NXPE4: variants seen among roughly 807,000 people sequenced by gnomAD.
NXPE4 encodes neurexophilin and PC-esterase domain family member 4, also known as NXPE family member 4.
Under a neutral mutation model 33.3 loss-of-function variants are expected in NXPE4, and 42 were observed. The observed-to-expected ratio is 1.26, with a 90% CI of 0.98 to 1.63. NXPE4 has a LOEUF of 1.63. NXPE4 is among the 40% of genes most tolerant of loss of function. NXPE4 has a pLI of 0.00. For synonymous variants in NXPE4, 253 were observed against 234.9 expected, an observed-to-expected ratio of 1.08 and a Z score of -0.71; for missense variants, 709 against 647.6, an observed-to-expected ratio of 1.09 and a Z score of -1.03.
chr11:114,594,841 A>G, intron 1 of NXPE4, 72 bp from the exon 2 acceptor site: 1 of 822,336 alleles, frequency 1.2e-6, no homozygotes, highest in South Asian at 1.6e-5. Context: ...CATGGGAAAC[A>G]TTTGAAATTT....
chr11:114,594,608 T>A, intron 2 of NXPE4, 56 bp downstream of exon 2: 1 of 1,113,868 alleles, frequency 9.0e-7, no homozygotes, highest in Non-Finnish European at 1.4e-6. Context: ...CTAGAACAGA[T>A]GAGGTAATAA....
intron 2 of NXPE4, among the ~76,000 whole-genome samples, chr11:114,587,585 T>C (rs1334140142): frequency 6.6e-6 from 1 of 152,212 alleles, no homozygotes; most frequent in Admixed American, 6.5e-5. Flanking sequence ...TTGGTTCCTC[T>C]GGTTTCATTG....
intron 5 of NXPE4, among the ~76,000 whole-genome samples, chr11:114,572,169 G>A (rs947922566): frequency 6.6e-6 from 1 of 152,060 alleles, no homozygotes; most frequent in African/African-American, 2.4e-5. Flanking sequence ...GGGGAAGGGG[G>A]ATTAAACCAC....
chr11:114,582,915 G>C lies in NXPE4; in HGVS notation c.203C>G (p.Thr68Ser), dbSNP rs751576523. 6 of 1,614,060 alleles carry C rather than the reference G, an allele frequency of 3.7e-6. No individual in the cohort carries two copies. In the African/African-American group the frequency reaches 5.3e-5, roughly 14 times the overall value. ...TATGATTTCCTTTATTCTGAGTTCA[G>C]TCTCTGTTAGTGGCTTTAATGATAT... The part of the protein sequence containing the change: ...PLISLKPLTE[T>S]ELRIKEIIEK... The change falls in exon 3 of 6, where the codon ACT becomes AGT. Residue 68 changes from threonine (T) to serine (S), a missense_variant. Transcript: ENST00000375478.
At chr11:114,648,411 C>T in the NXPE4 span, among the ~76,000 whole-genome samples, 2 of 152,168 alleles carry the variant, frequency 1.3e-5, no homozygotes, top group Non-Finnish European at 2.9e-5. Flanking sequence ...TTCTCTCTTA[C>T]TCAGCGGAGG....
chr11:114,616,341 G>GATA, the NXPE4 span, among the ~76,000 whole-genome samples: 63,773 of 149,990 alleles, frequency 0.43, 14,890 homozygotes, highest in African/African-American at 0.59. Context: ...TTACCTGATG[G>GATA]ATAAGTGTTG....
the NXPE4 span, among the ~76,000 whole-genome samples, chr11:114,632,357 T>C: frequency 2.2e-5 from 3 of 134,328 alleles, no homozygotes; most frequent in Non-Finnish European, 4.6e-5. Flanking sequence ...AATATATAAA[T>C]ATTATATATT....
In NXPE4 at chr11:114,580,278, C is replaced by T. The variant is rs761442721; in HGVS notation, c.953G>A (p.Gly318Glu). Residue 318 changes from glycine (G) to glutamate (E), a missense_variant, in exon 5 of 6, where the codon GGG becomes GAG. Transcript: ENST00000375478. ...KFGMTSTIPS[G>E]HVWRNTWNPV... ...ATTCCATGTGTTTCTCCAGACATGC[C>T]CACTGGGGATTGTGGATGTCATTCC... 8.7e-6 allele frequency: 14 copies of T among 1,613,844 alleles called. No homozygotes were observed. The South Asian group carries it at 1.1e-4, about 13-fold the overall frequency.
intron 2 of NXPE4, among the ~76,000 whole-genome samples, chr11:114,586,793 A>G (rs1455131595): frequency 6.6e-6 from 1 of 152,126 alleles, no homozygotes; most frequent in Non-Finnish European, 1.5e-5. Flanking sequence ...CCTATCCGCA[A>G]CTTCCATGTC....
chr11:114,607,618 C>G, the NXPE4 span, among the ~76,000 whole-genome samples: 1 of 151,484 alleles, frequency 6.6e-6, no homozygotes, highest in Non-Finnish European at 1.5e-5. Context: ...ACCAGTGTTA[C>G]CCGGTGGATA....
At chr11:114,614,363 C>A in the NXPE4 span, among the ~76,000 whole-genome samples, 1 of 151,110 alleles carries the variant, frequency 6.6e-6, no homozygotes, top group Non-Finnish European at 1.5e-5. Flanking sequence ...TCTAGGGTAA[C>A]CACTGTTACC....
the NXPE4 span, among the ~76,000 whole-genome samples, chr11:114,646,185 T>C: frequency 6.6e-6 from 1 of 152,090 alleles, no homozygotes; most frequent in South Asian, 2.1e-4. Flanking sequence ...AAACTAACTA[T>C]GTCTAAAGTT....
chr11:114,608,056 G>C, the NXPE4 span, among the ~76,000 whole-genome samples: 1 of 151,476 alleles, frequency 6.6e-6, no homozygotes, highest in South Asian at 2.1e-4. Flanking sequence ...GTGTTTCCTC[G>C]GGGGTAACCA....
chr11:114,642,924 G>A, the NXPE4 span, among the ~76,000 whole-genome samples: 4 of 151,882 alleles, frequency 2.6e-5, no homozygotes, highest in Non-Finnish European at 5.9e-5. Context: ...CTCCAGCATC[G>A]GATGTTTCCT....
chr11:114,632,139 A>T, the NXPE4 span, among the ~76,000 whole-genome samples: 19 of 143,808 alleles, frequency 1.3e-4, 1 homozygote, highest in Admixed American at 1.3e-3. Context: ...AATATATTAT[A>T]ATTTATTATG....
the NXPE4 span, among the ~76,000 whole-genome samples, chr11:114,605,297 A>C: frequency 6.9e-6 from 1 of 144,686 alleles, no homozygotes. Flanking sequence ...ATAAGTATTG[A>C]CTTGTGGGTA....
the NXPE4 span, among the ~76,000 whole-genome samples, chr11:114,648,733 G>T: frequency 2.0e-5 from 3 of 152,162 alleles, no homozygotes; most frequent in East Asian, 5.8e-4. Flanking sequence ...CAACTATCCC[G>T]CATACAACTA....
chr11:114,633,055 A>C, the NXPE4 span, among the ~76,000 whole-genome samples: 1 of 114,084 alleles, frequency 8.8e-6, no homozygotes, highest in East Asian at 2.4e-4. Context: ...TTGCATTATT[A>C]TTTTATATTT....
At chr11:114,604,977 C>T in the NXPE4 span, among the ~76,000 whole-genome samples, 1 of 152,070 alleles carries the variant, frequency 6.6e-6, no homozygotes, top group South Asian at 2.1e-4. Flanking sequence ...AGGGTAACCA[C>T]TGTTACCCAG....
Sources: gnomAD v4.1 joint callset for allele counts (sites outside exome capture counted in the v4.1 genomes callset) on GRCh38, gnomAD v4.1.1 for gene constraint, MANE v1.5 for transcripts, NCBI Gene and HGNC (gene_info 2026-07-23, HGNC 2026-07-21) for gene names.